Variants in SLC39A11 observed in about 807,000 individuals in gnomAD.
SLC39A11 encodes solute carrier family 39 member 11, also known as zinc transporter ZIP11.
In SLC39A11, 33 loss-of-function variants were observed where a neutral mutation model predicts 36.1. That is an observed-to-expected ratio of 0.91 (90% CI 0.69 to 1.22). The LOEUF is 1.22. SLC39A11 is among the 50% of genes most tolerant of loss of function. SLC39A11 has a pLI of 0.00. For synonymous variants in SLC39A11, 166 were observed against 170.3 expected, an observed-to-expected ratio of 0.97 and a Z score of 0.20; for missense variants, 432 against 430.3, an observed-to-expected ratio of 1.00 and a Z score of -0.03.
At chr17:72,816,648 C>A (rs2077594195) in intron 6 of SLC39A11, among the ~76,000 whole-genome samples, 1 of 152,172 alleles carries the variant, frequency 6.6e-6, no homozygotes, top group Non-Finnish European at 1.5e-5. Context: ...GCTGGTCATG[C>A]ACAGAGAAAG....
At chr17:72,897,473 A>G (rs1182227100) in intron 5 of SLC39A11, among the ~76,000 whole-genome samples, 1 of 152,242 alleles carries the variant, frequency 6.6e-6, no homozygotes, top group East Asian at 1.9e-4. Flanking sequence ...TCTACTGTAC[A>G]GCAGAGCCAA....
chr17:72,953,653 G>C (rs1352529862), intron 4 of SLC39A11, among the ~76,000 whole-genome samples: 1 of 152,050 alleles, frequency 6.6e-6, no homozygotes, highest in Non-Finnish European at 1.5e-5. Flanking sequence ...GCGAACTAAG[G>C]CCCCCCCTAC....
intron 6 of SLC39A11, among the ~76,000 whole-genome samples, chr17:72,775,587 C>T (rs571671611): frequency 8.1e-4 from 124 of 152,168 alleles, no homozygotes; most frequent in African/African-American, 2.8e-3. Context: ...ATCTTGGGGG[C>T]AACGTAGCAA....
chr17:72,992,190 A>G (rs1238851235), intron 4 of SLC39A11, among the ~76,000 whole-genome samples: 1 of 152,052 alleles, frequency 6.6e-6, no homozygotes, highest in Non-Finnish European at 1.5e-5. Flanking sequence ...CATCTCTACT[A>G]AAAATACTAA....
At chr17:72,880,292 G>A (rs958057818) in intron 5 of SLC39A11, among the ~76,000 whole-genome samples, 1 of 152,170 alleles carries the variant, frequency 6.6e-6, no homozygotes, top group African/African-American at 2.4e-5. Context: ...CTTGGGGCTG[G>A]GCATGGTGGC....
intron 7 of SLC39A11, among the ~76,000 whole-genome samples, chr17:72,667,368 A>C (rs544747222): frequency 6.6e-6 from 1 of 152,312 alleles, no homozygotes; most frequent in East Asian, 1.9e-4. Flanking sequence ...TTAGAAAACC[A>C]GGCGAGAAGC....
chr17:72,683,174 A>T (rs577409778), intron 7 of SLC39A11, among the ~76,000 whole-genome samples: 1 of 152,232 alleles, frequency 6.6e-6, no homozygotes, highest in African/African-American at 2.4e-5. Flanking sequence ...GCCCACTCAG[A>T]CTTTCCCATG....
At chr17:72,919,920 A>G (rs2083556245) in intron 5 of SLC39A11, among the ~76,000 whole-genome samples, 1 of 152,106 alleles carries the variant, frequency 6.6e-6, no homozygotes, top group African/African-American at 2.4e-5. Context: ...AATTTCAAGG[A>G]CTTCTTCGAA....
At chr17:72,880,614 G>A (rs1469354674) in intron 5 of SLC39A11, among the ~76,000 whole-genome samples, 1 of 149,766 alleles carries the variant, frequency 6.7e-6, no homozygotes, top group African/African-American at 2.5e-5. Context: ...GTAAATGCAA[G>A]GGAAAAATTG....
chr17:72,808,768 C>T (rs1191291487), intron 6 of SLC39A11, among the ~76,000 whole-genome samples: 1 of 152,024 alleles, frequency 6.6e-6, no homozygotes, highest in East Asian at 1.9e-4. Flanking sequence ...ATCTGTGATT[C>T]CTAAGCAATC....
At chr17:72,730,663 ATATTAT>A (rs1362750799) in intron 7 of SLC39A11, among the ~76,000 whole-genome samples, 1 of 151,960 alleles carries the variant, frequency 6.6e-6, no homozygotes, top group Admixed American at 6.6e-5. Flanking sequence ...ATTCACTAGC[ATATTAT>A]TATTTTTTGA....
In SLC39A11 at chr17:72,681,677, C is replaced by T. The variant is rs774529447; in HGVS notation, c.672-32409G>A. Reference sequence around the variant, plus strand: ...CACAGGTTTGAACTGTGCAGGTCCACTTACATGTGGATTTTCTTCTGTCTC... The same window carrying T: ...CACAGGTTTGAACTGTGCAGGTCCATTTACATGTGGATTTTCTTCTGTCTC... On this transcript the variant is annotated intron_variant, in intron 7 of 9. Transcript: ENST00000255559. 9.1e-4 allele frequency among the ~76,000 whole-genome samples: 138 copies of T among 152,296 alleles called. 2 individuals are homozygous for T. Among genetic ancestry groups the T allele is most frequent in the Non-Finnish European group, 9.0e-4 (61 of 68,026 alleles).
intron 3 of SLC39A11, among the ~76,000 whole-genome samples, chr17:73,051,645 G>T (rs916713710): frequency 6.7e-6 from 1 of 150,082 alleles, no homozygotes; most frequent in Non-Finnish European, 1.5e-5. Flanking sequence ...ATCACCTGAG[G>T]TCAGGAGTTC....
At chr17:72,859,223 GT>G (rs748634073) in intron 5 of SLC39A11, among the ~76,000 whole-genome samples, 8 of 152,302 alleles carry the variant, frequency 5.3e-5, no homozygotes, top group Non-Finnish European at 8.8e-5. Flanking sequence ...TTTGTAATCA[GT>G]GCACACAAAT....
intron 5 of SLC39A11, among the ~76,000 whole-genome samples, chr17:72,919,532 C>T (rs370135054): frequency 8.6e-5 from 13 of 151,936 alleles, no homozygotes; most frequent in South Asian, 2.1e-4. Flanking sequence ...GGGAACCGGG[C>T]GTGGTGGCGG....
chr17:72,689,363 G>T (rs1017315953), intron 7 of SLC39A11, among the ~76,000 whole-genome samples: 1 of 152,240 alleles, frequency 6.6e-6, no homozygotes, highest in African/African-American at 2.4e-5. Flanking sequence ...AGAGGTCATG[G>T]AAGGCCCGAT....
At chr17:72,716,992 T>TATATATATAC (rs773086532) in intron 7 of SLC39A11, among the ~76,000 whole-genome samples, 18 of 126,448 alleles carry the variant, frequency 1.4e-4, no homozygotes, top group Non-Finnish European at 1.8e-4. Flanking sequence ...TATATATATA[T>TATATATATAC]ACACACACAC....
chr17:72,893,019 A>G (rs982177973), intron 5 of SLC39A11, among the ~76,000 whole-genome samples: 2 of 152,214 alleles, frequency 1.3e-5, no homozygotes, highest in African/African-American at 4.8e-5. Context: ...TTGATTTCAA[A>G]TACTGTGCCA....
intron 7 of SLC39A11, among the ~76,000 whole-genome samples, chr17:72,688,481 C>T (rs2071859850): frequency 6.6e-6 from 1 of 152,248 alleles, no homozygotes; most frequent in African/African-American, 2.4e-5. Flanking sequence ...CCTTCAGCTG[C>T]CCTCCACTGG....
Sources: allele counts gnomAD v4.1 joint callset (sites outside exome capture counted in the v4.1 genomes callset), GRCh38; gene constraint gnomAD v4.1.1; transcripts MANE v1.5; gene names NCBI Gene and HGNC (gene_info 2026-07-23, HGNC 2026-07-21).